DDX17: variants seen among roughly 807,000 people sequenced by gnomAD.
The protein encoded by DDX17 is DEAD-box helicase 17.
Under a neutral mutation model 80.8 loss-of-function variants are expected in DDX17, and 10 were observed. The observed-to-expected ratio is 0.12, with a 90% CI of 0.08 to 0.21. The LOEUF is 0.21. Ranked by LOEUF, DDX17 falls within the 10% of genes least tolerant of loss-of-function variation. DDX17 has a pLI of 1.00. For missense variants in DDX17, 586 were observed against 957.4 expected (o/e 0.61, Z 5.12); for synonymous variants, 339 against 336.2 (o/e 1.01, Z -0.09).
Position 38,494,868 on chromosome 22 carries a change from A to G in DDX17, c.1041+18T>C. 2 of 1,613,924 alleles carry G rather than the reference A, an allele frequency of 1.2e-6. No homozygotes were observed. The highest frequency in any genetic ancestry group is 2.2e-5 in the South Asian group (2 of 91,060). On this transcript the variant is annotated intron_variant, in intron 7 of 12. Transcript: ENST00000403230. ...TGGACAAATGGCATAAAGACTGCTTATTATTAGCTTTACACACCCTGATTT... is the reference window on the plus strand; with the variant it reads ...TGGACAAATGGCATAAAGACTGCTTGTTATTAGCTTTACACACCCTGATTT...
At chr22:38,496,086 G>T in intron 5 of DDX17, 149 bp from the exon 6 acceptor site, 1 of 655,798 alleles carries the variant, frequency 1.5e-6, no homozygotes, top group Non-Finnish European at 2.3e-6. Flanking sequence ...CAGAAGTGGG[G>T]AATATTAGCA....
rs2089783774 is a variant in DDX17, at chr22:38,497,644, A to AAGGC, written c.738+440_738+441insGCCT. On this transcript the variant is annotated intron_variant, in intron 5 of 12. Coordinates refer to ENST00000403230, the MANE Select transcript of DDX17 (RefSeq NM_006386.5). ...CAAAAAAAAAAAAAAAAAAGAAAGA[A>AAGGC]GGCTGGACGCAGTGGCTCATGCCTG... 4.7e-5 allele frequency among the ~76,000 whole-genome samples: 7 copies of AAGGC among 150,394 alleles called. No homozygotes were observed. In the South Asian group the frequency reaches 1.5e-3, roughly 32 times the overall value.
chr22:38,488,189 C>T, intron 11 of DDX17, 74 bp from the exon 12 acceptor site: 1 of 1,608,560 alleles, frequency 6.2e-7, no homozygotes, highest in Non-Finnish European at 8.5e-7. Flanking sequence ...ATGCCAACAA[C>T]AGGTGGGAAG....
Position 38,499,683 on chromosome 22 carries a change from T to G in DDX17, c.439-184A>C, listed in dbSNP as rs1033967072. On this transcript the variant is annotated intron_variant, in intron 2 of 12. Coordinates refer to ENST00000403230, the MANE Select transcript of DDX17 (RefSeq NM_006386.5). ...GCTCCTACTTACTTTGTAAGTTAATTAATGATGTAGGTGATTAAGAGTTCC... is the reference window on the plus strand; with the variant it reads ...GCTCCTACTTACTTTGTAAGTTAATGAATGATGTAGGTGATTAAGAGTTCC... 7.9e-5 allele frequency among the ~76,000 whole-genome samples: 12 copies of G among 152,200 alleles called. 1 individual carries two copies. Among genetic ancestry groups the G allele is most frequent in the Admixed American group, 7.2e-4 (11 of 15,282 alleles).
Position 38,485,806 on chromosome 22 carries a change from G to T in DDX17, c.*129C>A. On this transcript the variant is annotated 3_prime_UTR_variant, in exon 13 of 13. Coordinates refer to ENST00000403230, the MANE Select transcript of DDX17 (RefSeq NM_006386.5). ...ATGAAAAGACAAATCACGATGGTTG[G>T]GGGGAAAAATTAAAAAAAAAAAAAG... 1 of 1,255,890 alleles carries T rather than the reference G, an allele frequency of 8.0e-7. No homozygotes were observed. 77.8% of individuals were successfully genotyped at this position (1,255,890 alleles called of 1,614,324 possible).
At position 38,485,855 on chromosome 22, in the gene DDX17, G is replaced by A; in HGVS notation, c.*80C>T. 3.4e-6 allele frequency: 5 copies of A among 1,477,038 alleles called. No individual in the cohort carries two copies. The highest frequency in any genetic ancestry group is 1.4e-5 in the South Asian group (1 of 70,200). The allele number at this position is 1,477,038 out of a possible 1,614,324, so 91.5% of individuals were successfully genotyped here. ...AGAAAAAAGGAAAAAAAAAGAAAAG[G>A]CGAAGAGGAAAAAAAAAGGAAAGAC... On this transcript the variant is annotated 3_prime_UTR_variant, in exon 13 of 13. Coordinates refer to ENST00000403230, the MANE Select transcript of DDX17 (RefSeq NM_006386.5).
intron 5 of DDX17, among the ~76,000 whole-genome samples, chr22:38,496,407 G>A (rs1374171676): frequency 6.6e-6 from 1 of 152,156 alleles, no homozygotes; most frequent in Non-Finnish European, 1.5e-5. Context: ...GAGTGCAGTG[G>A]TGCAATGAAG....
chr22:38,495,774 CT>C, intron 6 of DDX17, 21 bp downstream of exon 6: 1 of 1,504,578 alleles, frequency 6.6e-7, no homozygotes. Context: ...ACTAACAATT[CT>C]TTTACACTAT....
rs1258202672 is a variant in DDX17 at position 38,485,798 on chromosome 22, G to A, written c.*137C>T. 60 of 1,251,284 alleles carry A rather than the reference G, an allele frequency of 4.8e-5. No homozygotes were observed. The highest frequency in any genetic ancestry group is 5.3e-5 in the Non-Finnish European group (52 of 972,388). 77.5% of individuals were successfully genotyped at this position (1,251,284 alleles called of 1,614,324 possible). ...TAATCTGCATGAAAAGACAAATCAC[G>A]ATGGTTGGGGGGAAAAATTAAAAAA... On this transcript the variant is annotated 3_prime_UTR_variant, in exon 13 of 13. Coordinates refer to ENST00000403230, the MANE Select transcript of DDX17 (RefSeq NM_006386.5).
intron 8 of DDX17, chr22:38,494,386 C>G (rs1469076007): frequency 6.7e-6 from 4 of 598,900 alleles, no homozygotes; most frequent in Non-Finnish European, 1.2e-5. Context: ...CACCAAGACA[C>G]AAAATTGTGC....
intron 2 of DDX17, 85 bp from the exon 3 acceptor site, chr22:38,499,584 C>A: frequency 1.9e-6 from 2 of 1,041,360 alleles, no homozygotes; most frequent in South Asian, 1.3e-5. Flanking sequence ...AGCAATTATC[C>A]AGTCCACAGC....
Position 38,486,347 on chromosome 22 carries a change from T to C in DDX17, c.1778A>G (p.Asp593Gly), listed in dbSNP as rs755003779. 6.2e-7 allele frequency: 1 copy of C among 1,614,172 alleles called. No homozygotes were observed. Among genetic ancestry groups the C allele is most frequent in the South Asian group, 1.1e-5 (1 of 91,084 alleles). The change falls in exon 13 of 13, where the codon GAT becomes GGT. Residue 593 changes from aspartate (D) to glycine (G), a missense_variant. This residue lies in a region of DDX17 where 221 missense variants were observed against 261.4 expected (regional missense o/e 0.85). Coordinates refer to ENST00000403230, the MANE Select transcript of DDX17 (RefSeq NM_006386.5). ...GCTTGCAGAGTCTCTCCGGCCACCA[T>C]CCTTGACTCCTCGAAGCCTTCGGTC...
At position 38,506,294 on chromosome 22, in the gene DDX17, G is replaced by C; in HGVS notation, c.-57C>G. 6.7e-7 allele frequency: 1 copy of C among 1,497,108 alleles called. No homozygotes were observed. The highest frequency in any genetic ancestry group is 1.4e-5 in the African/African-American group (1 of 69,632). 92.7% of individuals were successfully genotyped at this position (1,497,108 alleles called of 1,614,324 possible). On this transcript the variant is annotated 5_prime_UTR_variant, in exon 1 of 13. Coordinates refer to ENST00000403230, the MANE Select transcript of DDX17 (RefSeq NM_006386.5). ...GGTTTAGGCGTCTCCTTCCTTCCCA[G>C]CGACTGCACAAAATGGCGGCCGCCG...
chr22:38,496,569 C>T (rs796398452), intron 5 of DDX17, among the ~76,000 whole-genome samples: 2 of 152,198 alleles, frequency 1.3e-5, no homozygotes, highest in African/African-American at 4.8e-5. Flanking sequence ...AGGCTAGTCT[C>T]GAACTCCTGA....
rs779872479 is a variant in DDX17 at position 38,499,730 on chromosome 22, ATAAG to A, written c.439-235_439-232del. Among the ~76,000 whole-genome samples the A allele has an allele frequency of 1.3e-4, 20 of 152,316 alleles. No homozygotes were observed. In the South Asian group the frequency reaches 3.7e-3, roughly 28 times the overall value. Reference sequence around the variant, plus strand: ...TTCCATTTTCTATAGGAGAAAAAAGATAAGTAACTTGCTCAAGGTCAGAATGAGA... The same window carrying A: ...TTCCATTTTCTATAGGAGAAAAAAGATAACTTGCTCAAGGTCAGAATGAGA... On this transcript the variant is annotated intron_variant, in intron 2 of 12. Transcript: ENST00000403230.
chr22:38,487,891 C>T lies in DDX17; in HGVS notation c.1672G>A (p.Gly558Ser), dbSNP rs767511629. ...GACTTACCCTTACCCCCGCCTCCGC[C>T]GCCTCCTCTGTGGTCCACAAGCTGC... The change falls in exon 12 of 13, where the codon GGC becomes AGC. Residue 558 changes from glycine (G) to serine (S), a missense_variant. By Grantham distance (56) the Gly-to-Ser change is moderately conservative. Transcript: ENST00000403230. 16 of 1,614,082 alleles carry T rather than the reference C, an allele frequency of 9.9e-6. No individual in the cohort carries two copies. Among genetic ancestry groups the T allele is most frequent in the African/African-American group, 4.0e-5 (3 of 74,936 alleles).
chr22:38,505,650 G>A, intron 1 of DDX17: 1 of 377,252 alleles, frequency 2.7e-6, no homozygotes, highest in Non-Finnish European at 4.7e-6. Flanking sequence ...CAAAGCCCGG[G>A]CCTGGGCTGA....
chr22:38,484,839 A>T lies in DDX17; in HGVS notation c.*1096T>A, dbSNP rs2145680133. On this transcript the variant is annotated 3_prime_UTR_variant, in exon 13 of 13. Coordinates refer to ENST00000403230, the MANE Select transcript of DDX17 (RefSeq NM_006386.5). The stretch of plus-strand genomic sequence containing the variant: ...CTGCACCCAGAAGCTGTTAGAAAGC[A>T]CTGCAGAGAACAGGGTATGAAGAAA... 6.6e-6 allele frequency: 1 copy of T among 152,362 alleles called. No homozygotes were observed. The highest frequency in any genetic ancestry group is 2.1e-4 in the South Asian group (1 of 4,826). 9.4% of individuals were successfully genotyped at this position (152,362 alleles called of 1,614,324 possible).
Position 38,506,197 on chromosome 22 carries a change from AG to A in DDX17, c.40del (p.Leu14SerfsTer111), listed in dbSNP as rs1463795361. The A allele has an allele frequency of 6.2e-7, 1 of 1,606,290 alleles. No individual in the cohort carries two copies. Among genetic ancestry groups the A allele is most frequent in the Non-Finnish European group, 8.5e-7 (1 of 1,177,082 alleles). ...CGCCGCCTCTCTCGTCGGAGACGGG[AG>A]CAAAACACAGAGAATCGGGGCTACA... On this transcript the variant is annotated frameshift_variant, in exon 1 of 13. Transcript: ENST00000403230. LOFTEE classifies it high-confidence loss of function.
Sources: gnomAD v4.1 joint callset for allele counts (sites outside exome capture counted in the v4.1 genomes callset) on GRCh38, gnomAD v4.1.1 for gene constraint, gnomAD v4.1.1 regional missense constraint, MANE v1.5 for transcripts, NCBI Gene and HGNC (gene_info 2026-07-23, HGNC 2026-07-21) for gene names.